ANO4: variants seen among roughly 807,000 people sequenced by gnomAD.
The protein encoded by ANO4 is anoctamin-4.
Under a neutral mutation model 141.9 loss-of-function variants are expected in ANO4, and 69 were observed. The ratio of observed to expected loss-of-function variants is 0.49; its 90% CI spans 0.40 to 0.59. ANO4 has a LOEUF of 0.59. Among genes scored for constraint, ANO4 ranks in the 20% least tolerant of loss-of-function variants. ANO4 has a pLI of 0.00. For synonymous variants in ANO4, 350 were observed against 394.3 expected, an observed-to-expected ratio of 0.89 and a Z score of 1.33; for missense variants, 894 against 1,162.2, an observed-to-expected ratio of 0.77 and a Z score of 3.36.
At chr12:100,717,425 C>T (rs2030648226), upstream of ANO4, 2 of 388,616 alleles carry the variant, frequency 5.1e-6, no homozygotes, top group Non-Finnish European at 4.6e-6. Flanking sequence ...GCCGCTAGAG[C>T]CAAGCGCATG....
intron 5 of ANO4, among the ~76,000 whole-genome samples, chr12:100,944,802 A>G (rs1566040969): frequency 6.6e-6 from 1 of 152,214 alleles, no homozygotes; most frequent in Non-Finnish European, 1.5e-5. Context: ...TTAAAAGAAA[A>G]TATCCCTTGG....
At chr12:100,962,928 T>G (rs12578692) in intron 5 of ANO4, among the ~76,000 whole-genome samples, 25,347 of 152,030 alleles carry the variant, frequency 0.17, 2,432 homozygotes, top group East Asian at 0.42. Context: ...GTGGATAGAT[T>G]AGAGAGAAGT....
intron 3 of ANO4, among the ~76,000 whole-genome samples, chr12:100,787,068 G>A (rs1258257502): frequency 1.3e-5 from 2 of 152,138 alleles, no homozygotes; most frequent in Non-Finnish European, 2.9e-5. Flanking sequence ...TCACGTATTT[G>A]AGTGTCTCCA....
chr12:100,931,169 C>G (rs1053339625), intron 3 of ANO4, among the ~76,000 whole-genome samples: 1 of 152,084 alleles, frequency 6.6e-6, no homozygotes, highest in Non-Finnish European at 1.5e-5. Context: ...TGGGCTTGCT[C>G]GTGTCATATA....
At position 100,922,185 on chromosome 12, in the gene ANO4, A is replaced by T. The variant is rs2041662574; in HGVS notation, c.56-41A>T. Reference sequence around the variant, plus strand: ...TGGGACCCTAATGACAGACTCTCTGATAACCAGTGCAAACTCCATGAATAT... The same window carrying T: ...TGGGACCCTAATGACAGACTCTCTGTTAACCAGTGCAAACTCCATGAATAT... On this transcript the variant is annotated intron_variant, in intron 2 of 27. Transcript: ENST00000392977. 3.5e-6 allele frequency: 5 copies of T among 1,432,084 alleles called. No homozygotes were observed. The South Asian group carries it at 6.7e-5, about 19-fold the overall frequency. 88.7% of individuals were successfully genotyped at this position (1,432,084 alleles called of 1,614,324 possible).
chr12:101,071,525 CA>C (rs2048809803), intron 14 of ANO4, among the ~76,000 whole-genome samples: 1 of 150,106 alleles, frequency 6.7e-6, no homozygotes, highest in Non-Finnish European at 1.5e-5. Flanking sequence ...AGATGGTTAC[CA>C]GAGGCTGGGA....
intron 1 of ANO4, among the ~76,000 whole-genome samples, chr12:100,833,964 T>C (rs925480582): frequency 1.3e-5 from 2 of 152,060 alleles, no homozygotes; most frequent in Middle Eastern, 3.2e-3. Flanking sequence ...ATACAAGCAA[T>C]AGAAAGGATT....
chr12:100,906,963 G>A (rs1450073153), intron 2 of ANO4, among the ~76,000 whole-genome samples: 2 of 152,166 alleles, frequency 1.3e-5, no homozygotes, highest in African/African-American at 4.8e-5. Flanking sequence ...GGGGCAATCT[G>A]AGAAGAGATT....
At position 100,958,143 on chromosome 12, in the gene ANO4, G is replaced by T. The variant is rs186436574; in HGVS notation, c.457-13163G>T. 1.6e-3 allele frequency among the ~76,000 whole-genome samples: 242 copies of T among 152,272 alleles called. 2 individuals carry two copies. Among genetic ancestry groups the T allele is most frequent in the African/African-American group, 5.4e-3 (226 of 41,548 alleles). On this transcript the variant is annotated intron_variant, in intron 5 of 27. Transcript: ENST00000392977. ...TGACTTATTTGCCGGGCAAAGCCCCGACCATGGTTAAACTGCATCTTGTTC... is the reference window on the plus strand; with the variant it reads ...TGACTTATTTGCCGGGCAAAGCCCCTACCATGGTTAAACTGCATCTTGTTC...
At chr12:100,816,274 G>T (rs1380793753) in intron 1 of ANO4, among the ~76,000 whole-genome samples, 1 of 151,974 alleles carries the variant, frequency 6.6e-6, no homozygotes. Context: ...TACAAATTAT[G>T]ATCACTGTTA....
intron 7 of ANO4, chr12:100,987,289 G>A (rs2044750118): frequency 4.6e-6 from 2 of 434,184 alleles, no homozygotes; most frequent in Non-Finnish European, 8.5e-6. Flanking sequence ...TTATTGGCAT[G>A]TGGGTGGACA....
chr12:100,820,494 A>G (rs890360020), intron 1 of ANO4, among the ~76,000 whole-genome samples: 3 of 152,066 alleles, frequency 2.0e-5, no homozygotes, highest in African/African-American at 4.8e-5. Context: ...TACTGTCTCA[A>G]GGAAAGCCAA....
chr12:100,995,770 C>T (rs1430137380), intron 8 of ANO4, among the ~76,000 whole-genome samples: 3 of 152,180 alleles, frequency 2.0e-5, no homozygotes, highest in Non-Finnish European at 4.4e-5. Context: ...CTCCTACTTT[C>T]ATCTCCTACT....
intron 1 of ANO4, among the ~76,000 whole-genome samples, chr12:100,859,533 C>G (rs752228831): frequency 2.0e-5 from 3 of 152,112 alleles, no homozygotes; most frequent in Non-Finnish European, 2.9e-5. Context: ...CATGTATAAT[C>G]TCATGTAGTT....
intron 3 of ANO4, among the ~76,000 whole-genome samples, chr12:100,933,381 G>A (rs2042160328): frequency 6.6e-6 from 1 of 152,114 alleles, no homozygotes; most frequent in Non-Finnish European, 1.5e-5. Context: ...TTGGCTTTCT[G>A]TCCTTGTGAT....
At chr12:100,739,129 AAATT>A (rs920528251) in intron 2 of ANO4, among the ~76,000 whole-genome samples, 1 of 148,054 alleles carries the variant, frequency 6.8e-6, no homozygotes, top group African/African-American at 2.4e-5. Context: ...AATTTAATGT[AAATT>A]AATCCTTATA....
intron 1 of ANO4, among the ~76,000 whole-genome samples, chr12:100,801,041 C>A (rs1157192784): frequency 1.3e-5 from 2 of 152,096 alleles, no homozygotes; most frequent in Admixed American, 1.3e-4. Flanking sequence ...GCTAGGTATA[C>A]TATCTCTGTT....
chr12:100,982,411 C>T (rs939815259), intron 7 of ANO4, among the ~76,000 whole-genome samples: 2 of 152,138 alleles, frequency 1.3e-5, no homozygotes, highest in Non-Finnish European at 2.9e-5. Context: ...CAGACTTTAA[C>T]ATATCTAAGT....
At chr12:100,844,525 G>A (rs2037457328) in intron 1 of ANO4, among the ~76,000 whole-genome samples, 1 of 152,086 alleles carries the variant, frequency 6.6e-6, no homozygotes, top group South Asian at 2.1e-4. Context: ...GGATGGAGAA[G>A]AGTGACTAGA....
Sources: gnomAD v4.1 joint callset for allele counts (sites outside exome capture counted in the v4.1 genomes callset) on GRCh38, gnomAD v4.1.1 for gene constraint, MANE v1.5 for transcripts, NCBI Gene and HGNC (gene_info 2026-07-23, HGNC 2026-07-21) for gene names.